Variants in ATG7 observed in about 807,000 individuals in gnomAD.
ATG7 encodes the protein autophagy related 7.
ATG7 carries 70 observed loss-of-function variants against 82.4 expected under a neutral mutation model. The observed-to-expected ratio is 0.85, with a 90% CI of 0.70 to 1.04. The LOEUF is 1.04. Among genes scored for constraint, ATG7 ranks in the 50% least tolerant of loss-of-function variants. ATG7 has a pLI of 0.00. For missense variants in ATG7, 792 were observed against 864.3 expected (o/e 0.92, Z 1.05); for synonymous variants, 287 against 313.0 (o/e 0.92, Z 0.88).
chr3:11,568,183 G>C, the ATG7 span, among the ~76,000 whole-genome samples: 1 of 152,234 alleles, frequency 6.6e-6, no homozygotes, highest in Non-Finnish European at 1.5e-5. The surrounding 1 kb of genome is among the most constrained non-coding windows in gnomAD (Gnocchi z 5.9). Context: ...CTAAAGGTCA[G>C]GCGTCTGCCC....
intron 1 of ATG7, among the ~76,000 whole-genome samples, chr3:11,274,663 T>C (rs75553263): frequency 6.6e-6 from 1 of 152,252 alleles, no homozygotes; most frequent in East Asian, 1.9e-4. Context: ...GGATCCAAGA[T>C]AGCTGCGTAC....
At chr3:11,409,521 C>G (rs1351452669) in intron 19 of ATG7, among the ~76,000 whole-genome samples, 1 of 152,190 alleles carries the variant, frequency 6.6e-6, no homozygotes. Flanking sequence ...GTAATAAATG[C>G]ATTTTATATT....
At chr3:11,391,179 G>GGA (rs2078772030) in intron 19 of ATG7, among the ~76,000 whole-genome samples, 4 of 152,174 alleles carry the variant, frequency 2.6e-5, no homozygotes, top group Admixed American at 2.6e-4. Flanking sequence ...TGACAAAAAA[G>GGA]GAGGGGAACA....
intron 20 of ATG7, chr3:11,477,413 T>C (rs2153026316): frequency 1.4e-6 from 1 of 703,952 alleles, no homozygotes; most frequent in Non-Finnish European, 1.8e-6. Flanking sequence ...TTTATATAAT[T>C]CTATTTCTTT....
rs765909221 is a variant in ATG7 at position 11,298,778 on chromosome 3, A to C, written c.83A>C (p.His28Pro). 6 of 1,614,208 alleles carry C rather than the reference A, an allele frequency of 3.7e-6. No individual in the cohort carries two copies. In the Admixed American group the frequency reaches 1.0e-4, roughly 27 times the overall value. The change falls in exon 4 of 21, where the codon CAT becomes CCT. Residue 28 changes from histidine to proline, a missense_variant. Transcript: ENST00000693202. Reference protein sequence around the residue: ...FSSALDVGFWHELTQKKLNEY... With the variant: ...FSSALDVGFWPELTQKKLNEY... Reference sequence around the variant, plus strand: ...AGTGCCTTGGATGTTGGGTTTTGGCATGAGTTGACCCAGAAGAAGCTGAAC... The same window carrying C: ...AGTGCCTTGGATGTTGGGTTTTGGCCTGAGTTGACCCAGAAGAAGCTGAAC...
intron 20 of ATG7, among the ~76,000 whole-genome samples, chr3:11,451,194 T>C (rs116140942): frequency 0.012 from 1,741 of 146,582 alleles, 38 homozygotes; most frequent in African/African-American, 0.041. Flanking sequence ...CTTGATAAAA[T>C]AGAAGTAAAG....
intron 9 of ATG7, among the ~76,000 whole-genome samples, chr3:11,324,090 C>A (rs896541722): frequency 6.6e-6 from 1 of 152,176 alleles, no homozygotes; most frequent in Admixed American, 6.5e-5. Flanking sequence ...TAGAAAGGAA[C>A]ATTTATTTCA....
At chr3:11,541,358 C>G (rs891018974) in intron 20 of ATG7, among the ~76,000 whole-genome samples, 2 of 152,200 alleles carry the variant, frequency 1.3e-5, no homozygotes, top group African/African-American at 4.8e-5. Context: ...TACTGTGCCA[C>G]CTTTGTTGAA....
At chr3:11,313,076 T>C (rs777567709) in intron 7 of ATG7, among the ~76,000 whole-genome samples, 1 of 152,254 alleles carries the variant, frequency 6.6e-6, no homozygotes, top group Non-Finnish European at 1.5e-5. Flanking sequence ...AAGTATATTA[T>C]GTTTGTCATC....
chr3:11,480,790 G>T (rs1171257762), intron 20 of ATG7, among the ~76,000 whole-genome samples: 1 of 152,172 alleles, frequency 6.6e-6, no homozygotes, highest in East Asian at 1.9e-4. Flanking sequence ...GGCTTTCCTG[G>T]GAGAGCGAGG....
intron 13 of ATG7, 42 bp from the exon 14 acceptor site, chr3:11,347,835 A>G: frequency 6.3e-7 from 1 of 1,585,084 alleles, no homozygotes; most frequent in East Asian, 2.3e-5. Context: ...ACCCTGTGAA[A>G]TGTTCATCAG....
intron 3 of ATG7, among the ~76,000 whole-genome samples, chr3:11,286,547 GTTTT>G (rs749385598): frequency 3.3e-5 from 3 of 92,138 alleles, no homozygotes; most frequent in Non-Finnish European, 7.3e-5. Context: ...TTTGTTTTGT[GTTTT>G]TTTTTTTGTC....
At chr3:11,428,024 A>G (rs1224481833) in intron 20 of ATG7, among the ~76,000 whole-genome samples, 3 of 152,210 alleles carry the variant, frequency 2.0e-5, no homozygotes, top group African/African-American at 7.2e-5. Context: ...TGTTTCCACA[A>G]ACTATATAAG....
chr3:11,365,882 G>C (rs2076570789), intron 18 of ATG7, among the ~76,000 whole-genome samples: 1 of 152,088 alleles, frequency 6.6e-6, no homozygotes, highest in African/African-American at 2.4e-5. Context: ...GGGAGATTTT[G>C]CTTCCTGTTG....
chr3:11,361,164 C>G (rs2076256590), intron 16 of ATG7, among the ~76,000 whole-genome samples: 1 of 152,058 alleles, frequency 6.6e-6, no homozygotes, highest in Non-Finnish European at 1.5e-5. Flanking sequence ...CCAGGTAGTT[C>G]TAAAAAGTCT....
chr3:11,367,226 TG>T (rs2076687705), intron 18 of ATG7, among the ~76,000 whole-genome samples: 1 of 152,182 alleles, frequency 6.6e-6, no homozygotes, highest in African/African-American at 2.4e-5. Flanking sequence ...ACAAAAACAC[TG>T]GGCTGTGTTG....
intron 20 of ATG7, among the ~76,000 whole-genome samples, chr3:11,476,493 G>A (rs1414483125): frequency 6.7e-6 from 1 of 148,762 alleles, no homozygotes; most frequent in African/African-American, 2.5e-5. Flanking sequence ...ATTTCAATTA[G>A]AACCTTGTAT....
intron 20 of ATG7, among the ~76,000 whole-genome samples, chr3:11,503,811 T>C (rs2091520228): frequency 8.1e-6 from 1 of 123,460 alleles, no homozygotes; most frequent in African/African-American, 2.9e-5. Flanking sequence ...AGAAATTAAA[T>C]ATATAAGTTT....
At chr3:11,290,978 G>A (rs985565803) in intron 3 of ATG7, among the ~76,000 whole-genome samples, 4 of 152,086 alleles carry the variant, frequency 2.6e-5, no homozygotes, top group Non-Finnish European at 5.9e-5. Flanking sequence ...CACTTCACCC[G>A]GCCATGTCTG....
Sources: gnomAD v4.1 joint callset for allele counts (sites outside exome capture counted in the v4.1 genomes callset) on GRCh38, gnomAD v4.1.1 for gene constraint, Gnocchi (gnomAD v3.1) non-coding constraint, MANE v1.5 for transcripts, NCBI Gene and HGNC (gene_info 2026-07-23, HGNC 2026-07-21) for gene names.